IMMP2L: variants seen among roughly 807,000 people sequenced by gnomAD.
The protein encoded by IMMP2L is mitochondrial inner membrane protease subunit 2.
IMMP2L carries 18 observed loss-of-function variants against 19.3 expected under a neutral mutation model. The observed-to-expected ratio is 0.93, with a 90% CI of 0.64 to 1.38. The LOEUF (loss-of-function observed/expected upper bound fraction) is 1.38, where lower values mean the gene tolerates loss of function less well. IMMP2L is among the 40% of genes most tolerant of loss of function. The probability of loss-of-function intolerance (pLI) is 0.00; values close to 1 mark genes in which losing one functional copy is unlikely to be tolerated. For synonymous variants in IMMP2L, 76 were observed against 73.0 expected (o/e 1.04, Z -0.21); for missense variants, 233 against 218.2 (o/e 1.07, Z -0.43).
intron 4 of IMMP2L, among the ~76,000 whole-genome samples, chr7:110,950,332 A>G (rs1374561214): frequency 1.3e-5 from 2 of 152,094 alleles, no homozygotes; most frequent in Non-Finnish European, 2.9e-5. Context: ...GTATGTTTCT[A>G]TGCCAGTACC....
chr7:110,811,156 GT>G (rs1016473139), intron 5 of IMMP2L, among the ~76,000 whole-genome samples: 10 of 151,658 alleles, frequency 6.6e-5, no homozygotes, highest in South Asian at 2.1e-4. Context: ...AAATTTATTA[GT>G]TTTTTTTATT....
intron 4 of IMMP2L, among the ~76,000 whole-genome samples, chr7:110,889,081 T>G (rs578045895): frequency 6.6e-6 from 1 of 152,338 alleles, no homozygotes; most frequent in East Asian, 1.9e-4. Flanking sequence ...TTAGAGTTTC[T>G]ACCTCTATTT....
Position 110,675,168 on chromosome 7 carries a change from T to C in IMMP2L, c.409-11447A>G, listed in dbSNP as rs1413024846. ...ACAGCTATCATCCAGTGTTTTCTCT[T>C]AGAATGTATAAGGCTAGTGGTGAGT... On this transcript the variant is annotated intron_variant, in intron 5 of 5. Coordinates refer to ENST00000405709, the MANE Select transcript of IMMP2L (RefSeq NM_032549.4). Among the ~76,000 whole-genome samples, 4 of 152,208 alleles carry C rather than the reference T, an allele frequency of 2.6e-5. No individual in the cohort carries two copies. The South Asian group carries it at 8.3e-4, about 31-fold the overall frequency.
At chr7:111,181,817 A>G (rs1807741479) in intron 3 of IMMP2L, among the ~76,000 whole-genome samples, 1 of 152,048 alleles carries the variant, frequency 6.6e-6, no homozygotes, top group Non-Finnish European at 1.5e-5. Context: ...AGGGTTTCTT[A>G]CCATTGTTTC....
chr7:111,347,507 C>T (rs1827691461), intron 3 of IMMP2L, among the ~76,000 whole-genome samples: 1 of 151,978 alleles, frequency 6.6e-6, no homozygotes, highest in Non-Finnish European at 1.5e-5. Context: ...GAGCAGAAAC[C>T]AAGCCAGGGC....
intron 5 of IMMP2L, among the ~76,000 whole-genome samples, chr7:110,687,982 G>A (rs554446182): frequency 6.6e-6 from 1 of 151,128 alleles, no homozygotes; most frequent in East Asian, 2.0e-4. Flanking sequence ...CATCATATAA[G>A]AAGTATGTCT....
At chr7:111,016,846 T>A (rs1474950419) in intron 3 of IMMP2L, among the ~76,000 whole-genome samples, 1 of 86,236 alleles carries the variant, frequency 1.2e-5, no homozygotes, top group Non-Finnish European at 2.0e-5. Flanking sequence ...ATATTATATA[T>A]AATATATATT....
At chr7:110,678,785 C>G (rs192695545) in intron 5 of IMMP2L, among the ~76,000 whole-genome samples, 1 of 152,270 alleles carries the variant, frequency 6.6e-6, no homozygotes, top group Non-Finnish European at 1.5e-5. Flanking sequence ...CATGATATCC[C>G]TTGCCAGATT....
At chr7:111,068,450 C>A (rs1234070215) in intron 3 of IMMP2L, among the ~76,000 whole-genome samples, 1 of 151,660 alleles carries the variant, frequency 6.6e-6, no homozygotes, top group Non-Finnish European at 1.5e-5. Context: ...AAACAATATG[C>A]AGCTTAAACT....
At chr7:111,273,884 C>G (rs1818742055) in intron 3 of IMMP2L, among the ~76,000 whole-genome samples, 2 of 151,954 alleles carry the variant, frequency 1.3e-5, no homozygotes, top group African/African-American at 4.8e-5. Context: ...ATGCAAATAC[C>G]AAAGTCATCA....
At chr7:111,062,326 T>C (rs1367782473) in intron 3 of IMMP2L, among the ~76,000 whole-genome samples, 2 of 152,150 alleles carry the variant, frequency 1.3e-5, no homozygotes, top group African/African-American at 2.4e-5. Flanking sequence ...GTCTCATTCA[T>C]TATCATGAGA....
chr7:111,242,198 C>A (rs1343152760), intron 3 of IMMP2L, among the ~76,000 whole-genome samples: 1 of 151,978 alleles, frequency 6.6e-6, no homozygotes, highest in East Asian at 1.9e-4. Flanking sequence ...CAAAGCAGAA[C>A]AAGGACAGGT....
intron 3 of IMMP2L, among the ~76,000 whole-genome samples, chr7:111,272,095 C>T (rs971295061): frequency 6.6e-6 from 1 of 152,148 alleles, no homozygotes; most frequent in Non-Finnish European, 1.5e-5. Context: ...AACATGATGA[C>T]ATTAAAATTC....
At chr7:111,307,976 A>G (rs1289385244) in intron 3 of IMMP2L, among the ~76,000 whole-genome samples, 3 of 151,984 alleles carry the variant, frequency 2.0e-5, no homozygotes, top group Admixed American at 6.6e-5. Flanking sequence ...CAATTCTACA[A>G]ATTTTAAGAA....
chr7:110,958,580 T>C (rs1476215604), intron 4 of IMMP2L, among the ~76,000 whole-genome samples: 1 of 152,056 alleles, frequency 6.6e-6, no homozygotes, highest in Non-Finnish European at 1.5e-5. Context: ...TTCTGGGATG[T>C]CTCATCTTAT....
intron 3 of IMMP2L, among the ~76,000 whole-genome samples, chr7:111,195,546 A>G (rs1363023328): frequency 1.3e-5 from 2 of 152,124 alleles, no homozygotes; most frequent in Non-Finnish European, 2.9e-5. Flanking sequence ...TTGTGTAGAA[A>G]CTTTATTATA....
intron 1 of IMMP2L, among the ~76,000 whole-genome samples, chr7:111,548,485 T>C (rs1849147222): frequency 6.6e-6 from 1 of 152,146 alleles, no homozygotes; most frequent in South Asian, 2.1e-4. Context: ...AGATATATGA[T>C]ACACTTTGAA....
intron 3 of IMMP2L, among the ~76,000 whole-genome samples, chr7:111,229,293 GT>G (rs772012242): frequency 6.6e-6 from 1 of 151,858 alleles, no homozygotes; most frequent in Non-Finnish European, 1.5e-5. Flanking sequence ...AGTATTTAAT[GT>G]ATCCTGACCA....
intron 3 of IMMP2L, among the ~76,000 whole-genome samples, chr7:111,174,501 T>A (rs1340782641): frequency 2.6e-5 from 4 of 151,760 alleles, no homozygotes; most frequent in African/African-American, 9.6e-5. Context: ...GCAAAAAAAA[T>A]ATTACCGAAT....
Sources: gnomAD v4.1 joint callset for allele counts (sites outside exome capture counted in the v4.1 genomes callset) on GRCh38, gnomAD v4.1.1 for gene constraint, MANE v1.5 for transcripts, NCBI Gene and HGNC (gene_info 2026-07-23, HGNC 2026-07-21) for gene names.